Variants in TEX11 observed in about 807,000 individuals in gnomAD.
The protein encoded by TEX11 is testis-expressed protein 11.
A neutral mutation model predicts 84.4 loss-of-function variants in TEX11; 7 were observed. The ratio of observed to expected loss-of-function variants is 0.08; its 90% CI spans 0.05 to 0.16. The LOEUF (loss-of-function observed/expected upper bound fraction) is 0.16, where lower values mean the gene tolerates loss of function less well. Among genes scored for constraint, TEX11 ranks in the 10% least tolerant of loss-of-function variants. The pLI is 1.00. For missense variants in TEX11, 551 were observed against 660.5 expected, an observed-to-expected ratio of 0.83 and a Z score of 1.82; for synonymous variants, 264 against 222.8, an observed-to-expected ratio of 1.18 and a Z score of -1.64.
At chrX:70,635,200 T>C (rs1243709470) in intron 17 of TEX11, among the ~76,000 whole-genome samples, 1 of 112,121 alleles carries the variant, frequency 8.9e-6, no homozygotes, top group African/African-American at 3.2e-5. Context: ...AACAGCTTTT[T>C]AATACCCATG....
chrX:70,876,460 CACAT>C (rs2091656022), intron 3 of TEX11, among the ~76,000 whole-genome samples: 1 of 108,537 alleles, frequency 9.2e-6, no homozygotes, highest in Admixed American at 9.9e-5. Flanking sequence ...ATTTATTCAA[CACAT>C]ATATATTAAG....
chrX:70,819,022 G>T (rs184433177), intron 8 of TEX11, among the ~76,000 whole-genome samples: 1 of 111,805 alleles, frequency 8.9e-6, no homozygotes, highest in Admixed American at 9.5e-5. Context: ...ATTCAAAGAA[G>T]AATTAATATC....
intron 9 of TEX11, among the ~76,000 whole-genome samples, chrX:70,799,767 T>A (rs756087469): frequency 6.2e-5 from 7 of 112,391 alleles, no homozygotes; most frequent in Non-Finnish European, 1.3e-4. Context: ...TCTGCTCTTA[T>A]CTGCCGCTGA....
At chrX:70,518,562 A>C in the TEX11 span, among the ~76,000 whole-genome samples, 1 of 112,064 alleles carries the variant, frequency 8.9e-6, no homozygotes, top group Non-Finnish European at 1.9e-5. Context: ...CAATTTTGGA[A>C]TAAGTGAGAT....
rs2087903930 is a variant in TEX11, at chrX:70,532,692, C to T, written c.2521-2693G>A. On this transcript the variant is annotated intron_variant, in intron 28 of 29. Transcript: ENST00000374333. ...GAGGTTGTGGTGAGCCAAGATTGTG[C>T]CATTGCACTCCAGCCTGGGCAACAA... 3.6e-5 allele frequency among the ~76,000 whole-genome samples: 4 copies of T among 110,823 alleles called. No individual in the cohort carries two copies. The Admixed American group carries it at 3.9e-4, about 11-fold the overall frequency.
At position 70,795,807 on chromosome X, in the gene TEX11, C is replaced by T. The variant is rs185270163; in HGVS notation, c.692+10898G>A. The stretch of plus-strand genomic sequence containing the variant: ...CTTGGGGTGCCTTCTAAGGCAGATA[C>T]GGCTGCTGTGACCAAAAACATAGCA... On this transcript the variant is annotated intron_variant, in intron 9 of 29. Transcript: ENST00000374333. 7.2e-3 allele frequency among the ~76,000 whole-genome samples: 802 copies of T among 111,519 alleles called. 5 individuals are homozygous for T. Among genetic ancestry groups the T allele is most frequent in the African/African-American group, 0.019 (572 of 30,742 alleles).
rs1460509125 is a variant in TEX11 at position 70,845,125 on chromosome X, A to C, written c.525+7909T>G. ...GAATGGATGAAGAATGCAAAATGGT[A>C]CATATACACAATAGAGTCCTATTCA... is the stretch of plus-strand genomic sequence containing the variant. On this transcript the variant is annotated intron_variant, in intron 7 of 29. Transcript: ENST00000374333. 2.7e-5 allele frequency among the ~76,000 whole-genome samples: 3 copies of C among 111,787 alleles called. No individual in the cohort carries two copies. The East Asian group carries it at 8.5e-4, about 31-fold the overall frequency.
chrX:70,592,976 TAAG>T (rs2088953338), intron 24 of TEX11, among the ~76,000 whole-genome samples: 1 of 109,940 alleles, frequency 9.1e-6, no homozygotes, highest in South Asian at 3.9e-4. Context: ...AAGAGACAGC[TAAG>T]AAGATTTCTA....
Position 70,850,218 on chromosome X carries a change from C to A in TEX11, c.525+2816G>T, listed in dbSNP as rs962106363. Among the ~76,000 whole-genome samples, 4 of 111,784 alleles carry A rather than the reference C, an allele frequency of 3.6e-5. No homozygotes were observed. The South Asian group carries it at 1.5e-3, about 42-fold the overall frequency. ...AGAGAGCTATCATTCCTACTGTCTTCTTTTTCTGAGACAAACATCACTATA... is the reference window on the plus strand; with the variant it reads ...AGAGAGCTATCATTCCTACTGTCTTATTTTTCTGAGACAAACATCACTATA... On this transcript the variant is annotated intron_variant, in intron 7 of 29. Coordinates refer to ENST00000374333, the MANE Select transcript of TEX11 (RefSeq NM_031276.3).
chrX:70,786,443 T>C (rs1198342464), intron 9 of TEX11, among the ~76,000 whole-genome samples: 1 of 111,305 alleles, frequency 9.0e-6, no homozygotes, highest in Admixed American at 9.6e-5. Context: ...ACATTGTGCA[T>C]GCACATGTAC....
rs1211903529 is a variant in TEX11 at position 70,694,870 on chromosome X, T to C, written c.1005-12045A>G. 2.7e-5 allele frequency among the ~76,000 whole-genome samples: 3 copies of C among 111,142 alleles called. No homozygotes were observed. The East Asian group carries it at 8.5e-4, about 31-fold the overall frequency. ...GCAAAGAGGCAAAACCCAAGTGATA[T>C]CCTGGCTTTATAACAACCCACTCTC... On this transcript the variant is annotated intron_variant, in intron 13 of 29. Coordinates refer to ENST00000374333, the MANE Select transcript of TEX11 (RefSeq NM_031276.3).
At chrX:70,873,853 C>T (rs1410542871) in intron 3 of TEX11, among the ~76,000 whole-genome samples, 3 of 111,850 alleles carry the variant, frequency 2.7e-5, no homozygotes, top group African/African-American at 9.7e-5. Flanking sequence ...TTCTGATGAG[C>T]TTCAGTTTAA....
At chrX:70,664,508 T>C (rs969968009) in intron 16 of TEX11, among the ~76,000 whole-genome samples, 1 of 111,854 alleles carries the variant, frequency 8.9e-6, no homozygotes, top group African/African-American at 3.2e-5. Flanking sequence ...AACGTCCTCA[T>C]CTATATATTC....
chrX:70,692,884 G>A (rs184508054), intron 13 of TEX11, among the ~76,000 whole-genome samples: 1 of 111,051 alleles, frequency 9.0e-6, no homozygotes, highest in African/African-American at 3.3e-5. Flanking sequence ...TTAATTTTTT[G>A]AGAAACTGCC....
chrX:70,788,727 CACAG>C (rs1447731241), intron 9 of TEX11, among the ~76,000 whole-genome samples: 2 of 103,205 alleles, frequency 1.9e-5, no homozygotes, highest in East Asian at 3.1e-4. Flanking sequence ...CACACACACA[CACAG>C]GGGAAAAACT....
At chrX:70,678,414 T>C (rs1438446845) in intron 15 of TEX11, among the ~76,000 whole-genome samples, 1 of 110,303 alleles carries the variant, frequency 9.1e-6, no homozygotes, top group Non-Finnish European at 1.9e-5. Context: ...TTCTTTGCTT[T>C]AAAAAAACTT....
At chrX:70,709,527 T>C (rs551589430) in intron 13 of TEX11, among the ~76,000 whole-genome samples, 1 of 111,601 alleles carries the variant, frequency 9.0e-6, no homozygotes, top group South Asian at 3.7e-4. Flanking sequence ...TCTGCTACAT[T>C]CTTAAGTATA....
At position 70,906,090 on chromosome X, in the gene TEX11, AATATATATATATATATATATATATAT is replaced by A. The variant is rs1401791124; in HGVS notation, c.37+1637_37+1662del. Among the ~76,000 whole-genome samples, 51 of 12,930 alleles carry A rather than the reference AATATATATATATATATATATATATAT, an allele frequency of 3.9e-3. 5 individuals carry two copies. The highest frequency in any genetic ancestry group is 0.013 in the African/African-American group (42 of 3,214). The allele number at this position is 12,930 out of a possible 115,157, so 11.2% of individuals were successfully genotyped here. A position where few individuals can be genotyped will look rare whatever the true frequency, so the allele number is the denominator to read the frequency against. On this transcript the variant is annotated intron_variant, in intron 2 of 29. Coordinates refer to ENST00000374333, the MANE Select transcript of TEX11 (RefSeq NM_031276.3). ...AAAAAAAAAAAAAAAAAAAAAAAAA[AATATATATATATATATATATATATAT>A]ATATATATATATATATATCACAATG...
At chrX:70,735,487 A>G (rs1254030967) in intron 11 of TEX11, among the ~76,000 whole-genome samples, 2 of 112,465 alleles carry the variant, frequency 1.8e-5, no homozygotes, top group Non-Finnish European at 3.7e-5. Context: ...ATATACTAGC[A>G]ATGAACAATC....
Sources: gnomAD v4.1 joint callset for allele counts (sites outside exome capture counted in the v4.1 genomes callset) on GRCh38, gnomAD v4.1.1 for gene constraint, MANE v1.5 for transcripts, NCBI Gene and HGNC (gene_info 2026-07-23, HGNC 2026-07-21) for gene names.